OAS1: variants seen among roughly 807,000 people sequenced by gnomAD.
OAS1 encodes the protein 2'-5'-oligoadenylate synthetase 1.
OAS1 carries 24 observed loss-of-function variants against 38.5 expected under a neutral mutation model. The ratio of observed to expected loss-of-function variants is 0.62; its 90% CI spans 0.45 to 0.88. The LOEUF (loss-of-function observed/expected upper bound fraction) is 0.88. Among genes scored for constraint, OAS1 ranks in the 40% least tolerant of loss-of-function variants. OAS1 has a pLI of 0.00. For missense variants in OAS1, 482 were observed against 493.9 expected, an observed-to-expected ratio of 0.98 and a Z score of 0.23; for synonymous variants, 169 against 193.9, an observed-to-expected ratio of 0.87 and a Z score of 1.07.
rs768032499 is a variant in OAS1, at chr12:112,911,243, C to T, written c.654+8C>T. ...AAGCACTGGTACCAAAATGTATGGCCCTCCCACCAGGCCTGGTGGGTCCTG... is the reference window on the plus strand; with the variant it reads ...AAGCACTGGTACCAAAATGTATGGCTCTCCCACCAGGCCTGGTGGGTCCTG... On this transcript the variant is annotated splice_region_variant and intron_variant, in intron 3 of 5. Coordinates refer to ENST00000202917, the MANE Select transcript of OAS1 (RefSeq NM_016816.4). The T allele has an allele frequency of 5.0e-6, 8 of 1,608,520 alleles. No homozygotes were observed. The Admixed American group carries it at 1.3e-4, about 27-fold the overall frequency.
downstream of OAS1, among the ~76,000 whole-genome samples, chr12:112,921,058 G>A (rs1361164290): frequency 6.6e-6 from 1 of 152,186 alleles, no homozygotes; most frequent in Non-Finnish European, 1.5e-5. Context: ...AGAACCAGAA[G>A]CATCAATGTC....
intron 1 of OAS1, among the ~76,000 whole-genome samples, chr12:112,908,221 C>T (rs1189411603): frequency 6.6e-6 from 1 of 152,106 alleles, no homozygotes; most frequent in Non-Finnish European, 1.5e-5. Context: ...TCCTGGGCAT[C>T]GTAAAGGACA....
chr12:112,926,976 G>A (rs4766669), intron 6 of OAS1, among the ~76,000 whole-genome samples: 112,816 of 151,784 alleles, frequency 0.74, 43,210 homozygotes, highest in African/African-American at 0.94. Context: ...TCTCTTACCT[G>A]TTTTTGGTAA....
intron 1 of OAS1, chr12:112,907,631 T>C (rs1010996123): frequency 1.3e-4 from 23 of 174,510 alleles, no homozygotes; most frequent in African/African-American, 5.2e-4. Context: ...CTGCAAGACC[T>C]TGAGCAAGTC....
chr12:112,918,850 T>TG (rs1846774645), intron 5 of OAS1: 3 of 279,460 alleles, frequency 1.1e-5, no homozygotes, highest in South Asian at 1.0e-4. Context: ...AGCAGGAATC[T>TG]GTCTGATTCC....
At chr12:112,922,007 T>TG (rs1482763900), downstream of OAS1, among the ~76,000 whole-genome samples, 14 of 152,170 alleles carry the variant, frequency 9.2e-5, no homozygotes, top group Admixed American at 2.0e-4. Context: ...AAGCCTGACT[T>TG]GGCCAGGGCT....
chr12:112,917,539 C>T lies in OAS1; in HGVS notation c.885-8C>T, dbSNP rs2136320838. The T allele has an allele frequency of 1.2e-6, 2 of 1,614,010 alleles. No individual in the cohort carries two copies. The highest frequency in any genetic ancestry group is 2.2e-5 in the South Asian group (2 of 91,064). On this transcript the variant is annotated splice_region_variant and splice_polypyrimidine_tract_variant and intron_variant, in intron 4 of 5. Transcript: ENST00000202917. ...CTCACCTGTCCCTCTCTAAATGCTG[C>T]TCTGCAGGCCTGTGATCCTGGACCC...
chr12:112,919,017 C>T (rs986825246), intron 5 of OAS1: 4 of 280,324 alleles, frequency 1.4e-5, no homozygotes, highest in Admixed American at 4.6e-5. Context: ...GAGAAGTGAA[C>T]AGGGATGCAG....
intron 6 of OAS1, among the ~76,000 whole-genome samples, chr12:112,927,138 G>A (rs1333727359): frequency 6.6e-6 from 1 of 152,168 alleles, no homozygotes; most frequent in African/African-American, 2.4e-5. Context: ...CGAACAATTT[G>A]TGCAGTTAAC....
At chr12:112,923,925 A>C (rs778961298), downstream of OAS1, among the ~76,000 whole-genome samples, 17 of 152,248 alleles carry the variant, frequency 1.1e-4, no homozygotes, top group Non-Finnish European at 2.2e-4. Context: ...AAATGGATTA[A>C]AGACTTAAAC....
Position 112,908,813 on chromosome 12 carries a change from T to C in OAS1, c.458T>C (p.Phe153Ser). 2 of 1,593,366 alleles carry C rather than the reference T, an allele frequency of 1.3e-6. No homozygotes were observed. Among genetic ancestry groups the C allele is most frequent in the South Asian group, 1.1e-5 (1 of 88,054 alleles). Residue 153 changes from phenylalanine to serine, a missense_variant, in exon 2 of 6, where the codon TTT becomes TCT. Coordinates refer to ENST00000202917, the MANE Select transcript of OAS1 (RefSeq NM_016816.4). Reference sequence around the variant, plus strand: ...GTGGAGTTCGATGTGCTGCCTGCCTTTGATGCCCTGGGTGAGAGCTCCCAG... The same window carrying C: ...GTGGAGTTCGATGTGCTGCCTGCCTCTGATGCCCTGGGTGAGAGCTCCCAG... ...EGVEFDVLPAFDALGQLTGGY... is the reference protein window; with the variant it reads ...EGVEFDVLPASDALGQLTGGY...
At position 112,919,392 on chromosome 12, in the gene OAS1, G is replaced by A. The variant is rs374812528; in HGVS notation, c.1042G>A (p.Glu348Lys). The A allele has an allele frequency of 2.4e-5, 38 of 1,611,560 alleles. No homozygotes were observed. Among genetic ancestry groups the A allele is most frequent in the Non-Finnish European group, 3.1e-5 (37 of 1,178,278 alleles). ...SPVSSWILLA[E>K]SNSADDETDD... Reference sequence around the variant, plus strand: ...ATCATGTGTCTCACCCTTTCAGGCTGAAAGCAACAGTGCAGACGATGAGAC... The same window carrying A: ...ATCATGTGTCTCACCCTTTCAGGCTAAAAGCAACAGTGCAGACGATGAGAC... The change falls in exon 6 of 6, where the codon GAA (glutamate) becomes AAA (lysine). Residue 348 changes from glutamate to lysine, a missense_variant. Coordinates refer to ENST00000202917, the MANE Select transcript of OAS1 (RefSeq NM_016816.4).
exon 7 of OAS1, chr12:112,931,934 T>G (rs752292378): frequency 1.4e-6 from 1 of 702,510 alleles, no homozygotes; most frequent in South Asian, 1.5e-5. Flanking sequence ...GAACATGCGG[T>G]GAATTTGCAA....
intron 6 of OAS1, among the ~76,000 whole-genome samples, chr12:112,926,287 C>T (rs982019055): frequency 6.6e-6 from 1 of 152,008 alleles, no homozygotes; most frequent in African/African-American, 2.4e-5. Context: ...CTGCACCTGG[C>T]CTAAAATTTT....
chr12:112,917,402 A>G (rs2043476133), intron 4 of OAS1, 145 bp from the exon 5 acceptor site: 2 of 1,010,156 alleles, frequency 2.0e-6, no homozygotes, highest in South Asian at 3.1e-5. Flanking sequence ...GGAATAGGGC[A>G]CTGGGGACAT....
At chr12:112,915,478 G>A (rs770419508) in intron 3 of OAS1, among the ~76,000 whole-genome samples, 2 of 152,076 alleles carry the variant, frequency 1.3e-5, no homozygotes, top group Admixed American at 6.5e-5. Context: ...ATTTGTCTAC[G>A]TGACTATTTT....
chr12:112,916,423 G>A (rs1018134651), intron 3 of OAS1, 86 bp from the exon 4 acceptor site: 2 of 935,728 alleles, frequency 2.1e-6, no homozygotes, highest in Non-Finnish European at 1.7e-6. Flanking sequence ...AAAACAGGTG[G>A]CAGGCTGGAT....
downstream of OAS1, among the ~76,000 whole-genome samples, chr12:112,921,047 GAGAACC>G (rs1425178836): frequency 1.3e-5 from 2 of 152,202 alleles, no homozygotes; most frequent in Non-Finnish European, 2.9e-5. Context: ...CTGGCGCCAT[GAGAACC>G]AGAAGCATCA....
chr12:112,912,117 T>C (rs1448269755), intron 3 of OAS1, among the ~76,000 whole-genome samples: 1 of 152,122 alleles, frequency 6.6e-6, no homozygotes, highest in Admixed American at 6.5e-5. Context: ...GCAGGTAGAT[T>C]GCTTGAGCCC....
Sources: gnomAD v4.1 joint callset for allele counts (sites outside exome capture counted in the v4.1 genomes callset) on GRCh38, gnomAD v4.1.1 for gene constraint, MANE v1.5 for transcripts, NCBI Gene and HGNC (gene_info 2026-07-23, HGNC 2026-07-21) for gene names.